The following P4HA1 variants were observed in gnomAD, a reference collection of about 807,000 sequenced individuals.
P4HA1 encodes the protein prolyl 4-hydroxylase subunit alpha-1.
Under a neutral mutation model 72.8 loss-of-function variants are expected in P4HA1, and 24 were observed. That is an observed-to-expected ratio of 0.33 (90% CI 0.24 to 0.46). P4HA1 has a LOEUF of 0.46. P4HA1 is among the 20% of genes least tolerant of loss of function. The pLI is 1.00. For synonymous variants in P4HA1, 201 were observed against 218.8 expected (o/e 0.92, Z 0.72); for missense variants, 446 against 640.6 (o/e 0.70, Z 3.28).
At chr10:73,037,001 A>AT (rs145928886) in intron 9 of P4HA1, among the ~76,000 whole-genome samples, 29,768 of 151,010 alleles carry the variant, frequency 0.2, 5,200 homozygotes, top group African/African-American at 0.46. Context: ...CTGAGTTGGG[A>AT]TTTTTTTTTA....
chr10:73,051,096 C>G lies in P4HA1; in HGVS notation c.857G>C (p.Arg286Thr). 1 of 1,614,156 alleles carries G rather than the reference C, an allele frequency of 6.2e-7. No homozygotes were observed. The highest frequency in any genetic ancestry group is 8.5e-7 in the Non-Finnish European group (1 of 1,180,020). Reference protein sequence around the residue: ...KGVAVDYLPERQKYEMLCRGE... With the variant: ...KGVAVDYLPETQKYEMLCRGE... ...ACGGCACAGCATTTCGTACTTCTGTCTCTCTGGCAGGTAATCCACAGCAAC... is the reference window on the plus strand; with the variant it reads ...ACGGCACAGCATTTCGTACTTCTGTGTCTCTGGCAGGTAATCCACAGCAAC... The change falls in exon 7 of 15, where the codon AGA becomes ACA. Residue 286 changes from arginine (R) to threonine (T), a missense_variant. By Grantham distance (71) the Arg-to-Thr change is moderately conservative. Transcript: ENST00000394890.
Position 73,044,999 on chromosome 10 carries a change from T to C in P4HA1, c.1130A>G (p.His377Arg), listed in dbSNP as rs770287486. ...NPITGDLETVHYRISKSAWLS... is the reference protein window; with the variant it reads ...NPITGDLETVRYRISKSAWLS... Reference sequence around the variant, plus strand: ...CTCTTACCTTTTGCTAATTCTGTAATGTACCGTCTCCAAGTCTCCTGTTAT... The same window carrying C: ...CTCTTACCTTTTGCTAATTCTGTAACGTACCGTCTCCAAGTCTCCTGTTAT... The change falls in exon 9 of 15, where the codon CAT (histidine) becomes CGT (arginine). Residue 377 changes from histidine (H) to arginine (R), a missense_variant. By Grantham distance (29) the His-to-Arg change is conservative. Transcript: ENST00000394890. 5.0e-6 allele frequency: 8 copies of C among 1,613,414 alleles called. No homozygotes were observed. In the African/African-American group the frequency reaches 6.7e-5, roughly 13 times the overall value.
chr10:73,051,805 G>A (rs1309053292), intron 6 of P4HA1, among the ~76,000 whole-genome samples: 1 of 152,074 alleles, frequency 6.6e-6, no homozygotes, highest in Non-Finnish European at 1.5e-5. Flanking sequence ...ATTTAAAGGT[G>A]GCAACTGGTG....
At chr10:73,008,359 A>G in intron 14 of P4HA1, 67 bp from the exon 15 acceptor site, 3 of 999,998 alleles carry the variant, frequency 3.0e-6, no homozygotes, top group Non-Finnish European at 4.7e-6. Context: ...AGTTTCTAAA[A>G]GCTAGGTCTA....
At chr10:73,090,559 A>G (rs539564425) in intron 1 of P4HA1, among the ~76,000 whole-genome samples, 1 of 152,238 alleles carries the variant, frequency 6.6e-6, no homozygotes, top group East Asian at 1.9e-4. Context: ...TGTCCTGTCA[A>G]TTTTGCTCAA....
intron 1 of P4HA1, among the ~76,000 whole-genome samples, chr10:73,096,315 C>G (rs975064929): frequency 1.1e-4 from 16 of 152,328 alleles, no homozygotes; most frequent in African/African-American, 3.6e-4. Context: ...AATCCGCTCT[C>G]CACCGCCACA....
At chr10:73,054,644 A>T (rs78405383) in intron 5 of P4HA1, among the ~76,000 whole-genome samples, 10,651 of 152,136 alleles carry the variant, frequency 0.07, 625 homozygotes, top group East Asian at 0.29. Context: ...TCCTATAGCA[A>T]CTCTACGCTT....
intron 5 of P4HA1, among the ~76,000 whole-genome samples, chr10:73,062,426 T>C (rs1841333163): frequency 6.6e-6 from 1 of 151,348 alleles, no homozygotes; most frequent in Non-Finnish European, 1.5e-5. Flanking sequence ...CACAAGAAAA[T>C]ATGACTTCTC....
chr10:73,074,021 G>C (rs949039259), intron 2 of P4HA1, 194 bp from the exon 3 acceptor site: 5 of 554,480 alleles, frequency 9.0e-6, no homozygotes, highest in Non-Finnish European at 1.6e-5. Context: ...AACTGTTCCA[G>C]TTCTAATTTT....
At chr10:73,010,400 A>G (rs576450865) in intron 13 of P4HA1, among the ~76,000 whole-genome samples, 2 of 152,222 alleles carry the variant, frequency 1.3e-5, no homozygotes, top group Admixed American at 6.5e-5. Context: ...AAAATACCAT[A>G]AAAATGTTTG....
intron 1 of P4HA1, among the ~76,000 whole-genome samples, chr10:73,086,177 G>A (rs542630685): frequency 6.6e-6 from 1 of 152,298 alleles, no homozygotes; most frequent in South Asian, 2.1e-4. Context: ...TCACTCATAG[G>A]TCTATACCCA....
At chr10:73,052,797 AT>A (rs1023743470) in intron 6 of P4HA1, among the ~76,000 whole-genome samples, 10 of 152,218 alleles carry the variant, frequency 6.6e-5, no homozygotes, top group African/African-American at 2.4e-4. Context: ...AGAGATTACA[AT>A]TTAGCAGATC....
intron 9 of P4HA1, among the ~76,000 whole-genome samples, chr10:73,036,490 G>A (rs1183606034): frequency 6.6e-6 from 1 of 151,818 alleles, no homozygotes; most frequent in Non-Finnish European, 1.5e-5. Flanking sequence ...TCTACCTCCC[G>A]GGCTCAAGCA....
intron 9 of P4HA1, among the ~76,000 whole-genome samples, chr10:73,039,473 A>AT (rs1840682017): frequency 6.6e-6 from 1 of 151,334 alleles, no homozygotes; most frequent in Non-Finnish European, 1.5e-5. Flanking sequence ...TGCCCGGCTA[A>AT]TTTTTTTGTA....
At chr10:73,047,325 T>C (rs1840889845) in intron 7 of P4HA1, among the ~76,000 whole-genome samples, 2 of 151,980 alleles carry the variant, frequency 1.3e-5, no homozygotes, top group South Asian at 4.1e-4. Context: ...GGCGAGGTCT[T>C]AAATAAGGAG....
At chr10:73,061,072 G>A (rs952710400) in intron 5 of P4HA1, among the ~76,000 whole-genome samples, 3 of 152,064 alleles carry the variant, frequency 2.0e-5, no homozygotes, top group Non-Finnish European at 4.4e-5. Flanking sequence ...TGAAATAGTG[G>A]TTCTAGGCAA....
At chr10:73,059,239 T>C (rs1442578273) in intron 5 of P4HA1, among the ~76,000 whole-genome samples, 1 of 151,720 alleles carries the variant, frequency 6.6e-6, no homozygotes, top group Non-Finnish European at 1.5e-5. Flanking sequence ...CTTCTATTAA[T>C]GTACCTTATT....
chr10:73,043,312 G>A (rs1370853465), intron 9 of P4HA1, among the ~76,000 whole-genome samples: 4 of 152,124 alleles, frequency 2.6e-5, no homozygotes, highest in Non-Finnish European at 2.9e-5. Context: ...ATTTTCATGA[G>A]AGCCGAGAAA....
chr10:73,086,626 TTTTAAAAAA>T (rs1475315338), intron 1 of P4HA1, among the ~76,000 whole-genome samples: 1 of 152,074 alleles, frequency 6.6e-6, no homozygotes, highest in Admixed American at 6.5e-5. Flanking sequence ...AATAAAACTG[TTTTAAAAAA>T]ATTAAAAAGA....
Sources: gnomAD v4.1 joint callset for allele counts (sites outside exome capture counted in the v4.1 genomes callset) on GRCh38, gnomAD v4.1.1 for gene constraint, MANE v1.5 for transcripts, NCBI Gene and HGNC (gene_info 2026-07-23, HGNC 2026-07-21) for gene names.